JAG2: variants seen among roughly 807,000 people sequenced by gnomAD.
JAG2 encodes protein jagged-2.
In JAG2, 46 loss-of-function variants were observed where a neutral mutation model predicts 141.7. The observed-to-expected ratio is 0.32, with a 90% CI of 0.26 to 0.42. The LOEUF (loss-of-function observed/expected upper bound fraction) is 0.42. Among genes scored for constraint, JAG2 ranks in the 10% least tolerant of loss-of-function variants. JAG2 has a pLI of 1.00. For missense variants in JAG2, 1,500 were observed against 1,817.5 expected, an observed-to-expected ratio of 0.83 and a Z score of 3.18; for synonymous variants, 862 against 763.5, an observed-to-expected ratio of 1.13 and a Z score of -2.13.
At chr14:105,151,439 G>T in intron 8 of JAG2, 43 bp from the exon 9 acceptor site, 1 of 1,561,336 alleles carries the variant, frequency 6.4e-7, no homozygotes, top group Non-Finnish European at 8.8e-7. Flanking sequence ...AGTGTGAGCC[G>T]TGGGAATAAG....
At chr14:105,145,667 G>T (rs1006851652) in intron 23 of JAG2, 64 bp downstream of exon 23, 4 of 1,544,542 alleles carry the variant, frequency 2.6e-6, no homozygotes, top group Non-Finnish European at 3.5e-6. Context: ...CTAGGCTTTC[G>T]CCATGCCACG....
intron 8 of JAG2, 93 bp from the exon 9 acceptor site, chr14:105,151,489 T>G: frequency 7.2e-7 from 1 of 1,389,762 alleles, no homozygotes; most frequent in Non-Finnish European, 1.0e-6. Flanking sequence ...TGGGTCTTCC[T>G]GCCATTTGTC....
chr14:105,144,126 T>C (rs2140969600), intron 24 of JAG2, among the ~76,000 whole-genome samples: 1 of 152,108 alleles, frequency 6.6e-6, no homozygotes, highest in African/African-American at 2.4e-5. Flanking sequence ...CGCTGACACC[T>C]GCTCCGTGAT....
intron 5 of JAG2, among the ~76,000 whole-genome samples, chr14:105,153,226 C>T (rs1317774083): frequency 1.3e-5 from 2 of 152,364 alleles, no homozygotes; most frequent in African/African-American, 2.4e-5. Context: ...CCTGAGCCGC[C>T]CTCAAGCCAC....
chr14:105,147,230 C>T (rs1271537428), intron 20 of JAG2, 96 bp downstream of exon 20: 8 of 929,952 alleles, frequency 8.6e-6, no homozygotes, highest in Non-Finnish European at 1.4e-5. Flanking sequence ...TGTGGCCACA[C>T]TGCCCTTCAA....
rs1888778966 is a variant in JAG2, at chr14:105,162,516, G to A, written c.418-4753C>T. The stretch of plus-strand genomic sequence containing the variant: ...CAGGTCCAGGGCACCCCAAAGCCCA[G>A]AGTATCCCACAGCCCAGGGCACTGC... On this transcript the variant is annotated intron_variant, in intron 2 of 25. Transcript: ENST00000331782. Among the ~76,000 whole-genome samples the A allele has an allele frequency of 2.0e-5, 3 of 151,892 alleles. 1 individual carries two copies.
chr14:105,149,758 G>T (rs587703980), intron 12 of JAG2, among the ~76,000 whole-genome samples: 1 of 141,852 alleles, frequency 7.0e-6, no homozygotes, highest in South Asian at 2.6e-4. Context: ...CCCATCCTCT[G>T]CACCAAGGCC....
intron 2 of JAG2, among the ~76,000 whole-genome samples, chr14:105,161,509 A>G (rs896711931): frequency 6.6e-6 from 1 of 152,102 alleles, no homozygotes; most frequent in African/African-American, 2.4e-5. Context: ...GCCTGAGCCC[A>G]GGGCTCCGGT....
chr14:105,145,640 C>T (rs1263393543), intron 23 of JAG2, 91 bp downstream of exon 23: 18 of 1,487,840 alleles, frequency 1.2e-5, no homozygotes, highest in South Asian at 1.3e-5. Context: ...CAACCAGGGC[C>T]TCCCTGCCCT....
intron 22 of JAG2, 88 bp from the exon 23 acceptor site, chr14:105,146,061 G>T: frequency 6.5e-7 from 1 of 1,535,360 alleles, no homozygotes; most frequent in East Asian, 2.4e-5. Flanking sequence ...GGCAGGCACG[G>T]GCCCCATGCC....
intron 2 of JAG2, among the ~76,000 whole-genome samples, chr14:105,164,695 G>A (rs183323766): frequency 2.2e-3 from 340 of 152,262 alleles, no homozygotes; most frequent in Non-Finnish European, 3.6e-3. Flanking sequence ...TTCCTCCCTA[G>A]GGGGCAAAGG....
At position 105,167,670 on chromosome 14, in the gene JAG2, C is replaced by A; in HGVS notation, c.417+87G>T. 1 of 1,254,328 alleles carries A rather than the reference C, an allele frequency of 8.0e-7. No homozygotes were observed. The highest frequency in any genetic ancestry group is 1.0e-6 in the Non-Finnish European group (1 of 1,001,450). 77.7% of individuals were successfully genotyped at this position (1,254,328 alleles called of 1,614,324 possible). A position where few individuals can be genotyped will look rare whatever the true frequency, so the allele number is the denominator to read the frequency against. ...CGCGCGGCTCGCACGCAGACCCGGCCGCAGGTGTTGGGGGTCGCGAAGCGC... is the reference window on the plus strand; with the variant it reads ...CGCGCGGCTCGCACGCAGACCCGGCAGCAGGTGTTGGGGGTCGCGAAGCGC... On this transcript the variant is annotated intron_variant, in intron 2 of 25. Transcript: ENST00000331782. This position sits in a 1 kb window ranked among gnomAD's most constrained non-coding sequence, Gnocchi z 4.8.
chr14:105,157,846 ACGCTGC>A, intron 2 of JAG2, 83 bp from the exon 3 acceptor site: 1 of 1,273,692 alleles, frequency 7.9e-7, no homozygotes, highest in Non-Finnish European at 1.1e-6. Flanking sequence ...CAGGGCTCAG[ACGCTGC>A]CCCTGGGTCT....
intron 5 of JAG2, 130 bp downstream of exon 5, chr14:105,155,432 C>A (rs1283485263): frequency 2.0e-6 from 2 of 1,016,722 alleles, no homozygotes; most frequent in African/African-American, 1.6e-5. Flanking sequence ...GAGCTCAGGG[C>A]CCGGCTCTCA....
intron 18 of JAG2, 74 bp downstream of exon 18, chr14:105,147,698 G>A (rs1888270152): frequency 8.5e-7 from 1 of 1,181,928 alleles, no homozygotes; most frequent in Non-Finnish European, 1.2e-6. Flanking sequence ...GAAGGGACTG[G>A]GGGGCGAGTC....
At chr14:105,148,580 G>T in intron 15 of JAG2, 141 bp from the exon 16 acceptor site, 4 of 860,620 alleles carry the variant, frequency 4.6e-6, no homozygotes, top group Non-Finnish European at 7.3e-6. Flanking sequence ...AGCTGGCCTC[G>T]GGCATGGGGG....
intron 5 of JAG2, among the ~76,000 whole-genome samples, chr14:105,153,365 G>C (rs1013394723): frequency 1.2e-4 from 19 of 152,188 alleles, no homozygotes; most frequent in African/African-American, 4.6e-4. Flanking sequence ...CTCACATCCC[G>C]CCTAGAATCC....
chr14:105,147,368 A>T lies in JAG2; in HGVS notation c.2437T>A (p.Cys813Ser). Reference protein sequence around the residue: ...ICVDGVNWFRCECAPGFAGPD... With the variant: ...ICVDGVNWFRSECAPGFAGPD... Reference sequence around the variant, plus strand: ...CCCGCGAAGCCAGGTGCACACTCGCAGCGGAACCAGTTGACGCCGTCAACA... The same window carrying T: ...CCCGCGAAGCCAGGTGCACACTCGCTGCGGAACCAGTTGACGCCGTCAACA... The change falls in exon 20 of 26, where the codon TGC becomes AGC. Residue 813 changes from cysteine to serine, a missense_variant. By Grantham distance (112) the Cys-to-Ser change is moderately radical. Around this residue, in one of 3 missense-constraint regions of JAG2, gnomAD observed 875 missense variants for 1,202.2 expected, o/e 0.73. Coordinates refer to ENST00000331782, the MANE Select transcript of JAG2 (RefSeq NM_002226.5). The T allele has an allele frequency of 6.3e-7, 1 of 1,589,506 alleles. No individual in the cohort carries two copies. Among genetic ancestry groups the T allele is most frequent in the Non-Finnish European group, 8.6e-7 (1 of 1,168,626 alleles).
At chr14:105,150,221 C>T (rs72707615) in intron 12 of JAG2, among the ~76,000 whole-genome samples, 16,520 of 151,886 alleles carry the variant, frequency 0.11, 982 homozygotes, top group South Asian at 0.18. Context: ...ACCCAGGACT[C>T]ACCTATGACA....
Sources: gnomAD v4.1 joint callset for allele counts (sites outside exome capture counted in the v4.1 genomes callset) on GRCh38, gnomAD v4.1.1 for gene constraint, gnomAD v4.1.1 regional missense constraint, Gnocchi (gnomAD v3.1) non-coding constraint, MANE v1.5 for transcripts, NCBI Gene and HGNC (gene_info 2026-07-23, HGNC 2026-07-21) for gene names.